The following EYA1 variants were observed in gnomAD, a reference collection of about 807,000 sequenced individuals.
The protein encoded by EYA1 is protein phosphatase EYA1.
EYA1 carries 16 observed loss-of-function variants against 82.0 expected under a neutral mutation model. The ratio of observed to expected loss-of-function variants is 0.20; its 90% CI spans 0.13 to 0.30. The LOEUF (loss-of-function observed/expected upper bound fraction) is 0.30, where lower values mean the gene tolerates loss of function less well. Among genes scored for constraint, EYA1 ranks in the 10% least tolerant of loss-of-function variants. The probability of loss-of-function intolerance (pLI) is 1.00; values close to 1 mark genes in which losing one functional copy is unlikely to be tolerated. For missense variants in EYA1, 633 were observed against 730.7 expected, an observed-to-expected ratio of 0.87 and a Z score of 1.54; for synonymous variants, 261 against 264.4, an observed-to-expected ratio of 0.99 and a Z score of 0.12.
chr8:71,257,452 A>C (rs1814580715), intron 11 of EYA1, among the ~76,000 whole-genome samples: 1 of 152,254 alleles, frequency 6.6e-6, no homozygotes, highest in African/African-American at 2.4e-5. Flanking sequence ...ATTTATTCTG[A>C]AAATTTAAAA....
In EYA1 at chr8:71,333,957, A is replaced by G. The variant is rs185615509; in HGVS notation, c.202+140T>C. The G allele has an allele frequency of 8.3e-5, 55 of 659,056 alleles. No individual in the cohort carries two copies. The African/African-American group carries it at 8.8e-4, about 11-fold the overall frequency. The allele number at this position is 659,056 out of a possible 1,614,324, so 40.8% of individuals were successfully genotyped here. A position where few individuals can be genotyped will look rare whatever the true frequency, so the allele number is the denominator to read the frequency against. On this transcript the variant is annotated intron_variant, in intron 4 of 17. Coordinates refer to ENST00000340726, the MANE Select transcript of EYA1 (RefSeq NM_000503.6). Reference sequence around the variant, plus strand: ...ATGTGACTCTGAGCAAAGCTATTTTATATGTATATATACATAAGTACGTAT... The same window carrying G: ...ATGTGACTCTGAGCAAAGCTATTTTGTATGTATATATACATAAGTACGTAT...
At chr8:71,341,133 G>T (rs963688083) in intron 3 of EYA1, among the ~76,000 whole-genome samples, 2 of 152,160 alleles carry the variant, frequency 1.3e-5, no homozygotes, top group African/African-American at 4.8e-5. Context: ...TGTATGTTTA[G>T]AGAGGATCCC....
intron 2 of EYA1, among the ~76,000 whole-genome samples, chr8:71,419,028 G>C (rs1163253790): frequency 6.6e-6 from 1 of 152,206 alleles, no homozygotes. Flanking sequence ...AAAGGAGGTT[G>C]AGATGAGAAG....
chr8:71,219,067 C>T (rs891234680), intron 12 of EYA1, among the ~76,000 whole-genome samples: 3 of 152,126 alleles, frequency 2.0e-5, no homozygotes, highest in Non-Finnish European at 4.4e-5. Context: ...GCTGTAAATC[C>T]TCATTACTAA....
intron 4 of EYA1, among the ~76,000 whole-genome samples, chr8:71,331,430 G>A (rs1823850660): frequency 6.6e-6 from 1 of 150,730 alleles, no homozygotes; most frequent in Non-Finnish European, 1.5e-5. Context: ...TTATCTCTTT[G>A]TAGCACATGA....
At chr8:71,245,168 G>A (rs1026565767) in intron 11 of EYA1, among the ~76,000 whole-genome samples, 3 of 152,022 alleles carry the variant, frequency 2.0e-5, no homozygotes, top group South Asian at 2.1e-4. Flanking sequence ...AGCCCAGTAC[G>A]GCTTTGAATG....
intron 2 of EYA1, among the ~76,000 whole-genome samples, chr8:71,488,706 A>T (rs1453815502): frequency 6.6e-6 from 1 of 152,236 alleles, no homozygotes; most frequent in African/African-American, 2.4e-5. Flanking sequence ...TGGTCTCTAC[A>T]CACTTTACTA....
chr8:71,400,393 C>T (rs998887383), intron 2 of EYA1, among the ~76,000 whole-genome samples: 19 of 152,018 alleles, frequency 1.2e-4, no homozygotes, highest in African/African-American at 4.3e-4. Flanking sequence ...TTGCAATCTA[C>T]CAGTCTGACA....
intron 2 of EYA1, among the ~76,000 whole-genome samples, chr8:71,416,458 C>G (rs1363128086): frequency 6.6e-6 from 1 of 151,994 alleles, no homozygotes; most frequent in Non-Finnish European, 1.5e-5. Context: ...CAATACTGCT[C>G]TAATAAAAAT....
At chr8:71,378,660 T>C (rs1000683642) in intron 2 of EYA1, among the ~76,000 whole-genome samples, 2 of 152,220 alleles carry the variant, frequency 1.3e-5, no homozygotes, top group Non-Finnish European at 2.9e-5. Context: ...ACTTTATTAT[T>C]TATAATTTAA....
intron 12 of EYA1, among the ~76,000 whole-genome samples, chr8:71,242,773 C>CT (rs35413533): frequency 0.014 from 1,618 of 117,552 alleles, 38 homozygotes; most frequent in African/African-American, 0.033. Flanking sequence ...AGTTTTGGCA[C>CT]TTTTTTTTTT....
At chr8:71,232,924 A>G (rs1811367683) in intron 12 of EYA1, among the ~76,000 whole-genome samples, 1 of 152,172 alleles carries the variant, frequency 6.6e-6, no homozygotes, top group Non-Finnish European at 1.5e-5. Context: ...AGTTGTATGC[A>G]CTTAACAGAT....
At chr8:71,461,477 G>A (rs1808358476) in intron 2 of EYA1, among the ~76,000 whole-genome samples, 1 of 152,164 alleles carries the variant, frequency 6.6e-6, no homozygotes, top group African/African-American at 2.4e-5. Flanking sequence ...GCACCCAGAA[G>A]CTTGGATATG....
At chr8:71,322,446 A>G (rs1477928560) in intron 4 of EYA1, 178 bp from the exon 5 acceptor site, 1 of 633,138 alleles carries the variant, frequency 1.6e-6, no homozygotes, top group South Asian at 1.8e-5. Flanking sequence ...AAGTTAAACT[A>G]TAAAGAGGAA....
chr8:71,390,329 G>A (rs973449994), intron 2 of EYA1, among the ~76,000 whole-genome samples: 1 of 151,084 alleles, frequency 6.6e-6, no homozygotes, highest in African/African-American at 2.4e-5. Context: ...GGAGTGCAGT[G>A]GCACAATCAG....
At chr8:71,377,160 G>A (rs1563549748) in intron 2 of EYA1, among the ~76,000 whole-genome samples, 1 of 152,132 alleles carries the variant, frequency 6.6e-6, no homozygotes, top group Non-Finnish European at 1.5e-5. Context: ...ATACTAAATG[G>A]TGCATGCATA....
intron 9 of EYA1, among the ~76,000 whole-genome samples, chr8:71,291,525 A>G (rs1361912433): frequency 6.6e-6 from 1 of 152,244 alleles, no homozygotes; most frequent in Non-Finnish European, 1.5e-5. Flanking sequence ...AAATGAAAAA[A>G]TCCTTTGAAA....
intron 9 of EYA1, among the ~76,000 whole-genome samples, chr8:71,283,349 C>T (rs745378143): frequency 9.2e-5 from 14 of 152,194 alleles, no homozygotes; most frequent in Non-Finnish European, 1.5e-4. Context: ...TGCCCTAACG[C>T]TATTCTCCTT....
intron 3 of EYA1, among the ~76,000 whole-genome samples, chr8:71,336,942 G>A (rs1278341796): frequency 6.6e-6 from 1 of 152,174 alleles, no homozygotes; most frequent in Non-Finnish European, 1.5e-5. Flanking sequence ...GAAAGCCAAA[G>A]AAACAGAGAC....
Sources: gnomAD v4.1 joint callset for allele counts (sites outside exome capture counted in the v4.1 genomes callset) on GRCh38, gnomAD v4.1.1 for gene constraint, MANE v1.5 for transcripts, NCBI Gene and HGNC (gene_info 2026-07-23, HGNC 2026-07-21) for gene names.